The following BMPR1B variants were observed in gnomAD, a reference collection of about 807,000 sequenced individuals.
BMPR1B encodes the protein bone morphogenetic protein receptor type-1B.
BMPR1B carries 12 observed loss-of-function variants against 59.1 expected under a neutral mutation model. The ratio of observed to expected loss-of-function variants is 0.20; its 90% confidence interval spans 0.13 to 0.33. The LOEUF is 0.33. Ranked by LOEUF, BMPR1B falls within the 10% of genes least tolerant of loss-of-function variation. The pLI, the probability that BMPR1B is intolerant of heterozygous loss-of-function variation, is 1.00. For missense variants in BMPR1B, 550 were observed against 610.9 expected (o/e 0.90, Z 1.05); for synonymous variants, 237 against 207.3 (o/e 1.14, Z -1.23).
intron 2 of BMPR1B, among the ~76,000 whole-genome samples, chr4:94,956,139 T>TA (rs1730133535): frequency 6.6e-6 from 1 of 152,234 alleles, no homozygotes; most frequent in African/African-American, 2.4e-5. Context: ...TCAGTAGTTT[T>TA]AAAACCAAAC....
chr4:95,058,542 G>A (rs1484871706), intron 3 of BMPR1B, among the ~76,000 whole-genome samples: 2 of 152,104 alleles, frequency 1.3e-5, no homozygotes, highest in Non-Finnish European at 2.9e-5. Context: ...CCAGGTGTGA[G>A]TCAATTTAAT....
At chr4:94,896,918 C>T (rs1727609533) in intron 2 of BMPR1B, among the ~76,000 whole-genome samples, 2 of 151,976 alleles carry the variant, frequency 1.3e-5, no homozygotes, top group South Asian at 2.1e-4. Flanking sequence ...TTAGTATCTC[C>T]ATAGTATTTA....
Position 94,806,425 on chromosome 4 carries a change from C to T in BMPR1B, c.-183+48357C>T, listed in dbSNP as rs371304204. 3.1e-3 allele frequency among the ~76,000 whole-genome samples: 474 copies of T among 152,202 alleles called. 5 individuals carry two copies. The highest frequency in any genetic ancestry group is 0.011 in the African/African-American group (441 of 41,542). ...CTATTTAAACAAGTTTAAAGTTCAG[C>T]TTTAAATTTTTTGAAGATAGCTTTT... On this transcript the variant is annotated intron_variant, in intron 1 of 12. Transcript: ENST00000515059.
intron 3 of BMPR1B, among the ~76,000 whole-genome samples, chr4:95,091,974 T>A (rs976535814): frequency 2.0e-5 from 3 of 152,180 alleles, no homozygotes; most frequent in African/African-American, 7.2e-5. Context: ...AAATCAAGTG[T>A]TGTGGTTGTA....
intron 1 of BMPR1B, among the ~76,000 whole-genome samples, chr4:94,794,450 T>C (rs71601232): frequency 0.25 from 32,950 of 131,252 alleles, 4,148 homozygotes; most frequent in African/African-American, 0.34. Context: ...AGTCAGGTAG[T>C]GTGATGCCTC....
chr4:94,981,004 C>CGTGCGCGT (rs6148577), intron 2 of BMPR1B, among the ~76,000 whole-genome samples: 1 of 120,806 alleles, frequency 8.3e-6, no homozygotes, highest in South Asian at 2.5e-4. Flanking sequence ...CACACACACA[C>CGTGCGCGT]ACACACACAC....
chr4:94,870,034 GAGA>G (rs1726416646), intron 1 of BMPR1B, among the ~76,000 whole-genome samples: 1 of 152,162 alleles, frequency 6.6e-6, no homozygotes, highest in Admixed American at 6.5e-5. Flanking sequence ...AGTTATATTA[GAGA>G]AGAAGTTGCA....
In BMPR1B at chr4:95,147,539, A is replaced by G. The variant is rs17023102; in HGVS notation, c.1077-1209A>G. 9.0e-3 allele frequency among the ~76,000 whole-genome samples: 1,376 copies of G among 152,258 alleles called. 22 individuals carry two copies. Among genetic ancestry groups the G allele is most frequent in the African/African-American group, 0.03 (1,247 of 41,524 alleles). The stretch of plus-strand genomic sequence containing the variant: ...AGGAGAAATAACATGTAAATTCTTG[A>G]AAGTCAATAGAGTGTAATGAAAAGC... On this transcript the variant is annotated intron_variant, in intron 10 of 12. Transcript: ENST00000515059.
intron 3 of BMPR1B, among the ~76,000 whole-genome samples, chr4:95,088,193 A>G (rs1729731086): frequency 6.6e-6 from 1 of 152,168 alleles, no homozygotes; most frequent in Admixed American, 6.5e-5. Flanking sequence ...TAAAATGCAG[A>G]TAAATGGCTT....
intron 6 of BMPR1B, among the ~76,000 whole-genome samples, chr4:95,116,115 A>G (rs751151272): frequency 6.6e-6 from 1 of 152,140 alleles, no homozygotes; most frequent in Admixed American, 6.5e-5. Flanking sequence ...GTTGTAGTTC[A>G]CCCAAAAACT....
In BMPR1B at chr4:95,129,822, C is replaced by T. The variant is rs187515937; in HGVS notation, c.586-40C>T. 7.8e-4 allele frequency: 1,243 copies of T among 1,592,366 alleles called. 10 individuals carry two copies. In the African/African-American group the frequency reaches 0.014, roughly 18 times the overall value. On this transcript the variant is annotated intron_variant, in intron 8 of 12. Coordinates refer to ENST00000515059, the MANE Select transcript of BMPR1B (RefSeq NM_001203.3). ...AAAAAAAGATTAAACAAATCTGTAGCGCTGTGAATACACTAACAGTGTGTT... is the reference window on the plus strand; with the variant it reads ...AAAAAAAGATTAAACAAATCTGTAGTGCTGTGAATACACTAACAGTGTGTT...
chr4:95,082,816 A>T (rs915396776), intron 3 of BMPR1B, among the ~76,000 whole-genome samples: 1 of 152,046 alleles, frequency 6.6e-6, no homozygotes, highest in Non-Finnish European at 1.5e-5. Context: ...AGGCGGGCGG[A>T]TCACGAGGTC....
At chr4:94,968,300 C>T (rs1730633637) in intron 2 of BMPR1B, among the ~76,000 whole-genome samples, 1 of 151,984 alleles carries the variant, frequency 6.6e-6, no homozygotes, top group Non-Finnish European at 1.5e-5. Flanking sequence ...GAGGCTGCAC[C>T]TGGAGGAACA....
At chr4:94,972,338 G>A (rs962912331) in intron 2 of BMPR1B, among the ~76,000 whole-genome samples, 2 of 151,894 alleles carry the variant, frequency 1.3e-5, no homozygotes, top group African/African-American at 2.4e-5. Context: ...TTAAATAAAT[G>A]TATACTCATT....
chr4:95,123,120 ATCTGATTTG>A (rs1351852899), intron 6 of BMPR1B, among the ~76,000 whole-genome samples: 9 of 152,194 alleles, frequency 5.9e-5, no homozygotes, highest in Non-Finnish European at 1.2e-4. Context: ...AATTTGAGGA[ATCTGATTTG>A]TCAAGAACTA....
At chr4:94,818,659 A>G (rs1724096339) in intron 1 of BMPR1B, among the ~76,000 whole-genome samples, 1 of 152,216 alleles carries the variant, frequency 6.6e-6, no homozygotes, top group South Asian at 2.1e-4. Flanking sequence ...AAGATTTAGT[A>G]TCTCAGCAAA....
chr4:94,804,918 T>C (rs1455113005), intron 1 of BMPR1B, among the ~76,000 whole-genome samples: 2 of 152,316 alleles, frequency 1.3e-5, no homozygotes, highest in Middle Eastern at 3.4e-3. Context: ...TTTCTGCAGA[T>C]GGAGAGTATA....
chr4:95,063,158 AAAG>A (rs944106600), intron 3 of BMPR1B, among the ~76,000 whole-genome samples: 44 of 152,166 alleles, frequency 2.9e-4, no homozygotes, highest in African/African-American at 9.9e-4. Context: ...TAGGGGTAAA[AAAG>A]AAAGTGGCAT....
At chr4:94,943,618 G>A (rs894199049) in intron 2 of BMPR1B, among the ~76,000 whole-genome samples, 1 of 152,118 alleles carries the variant, frequency 6.6e-6, no homozygotes, top group African/African-American at 2.4e-5. Flanking sequence ...TTGATTCTTG[G>A]TTTTCCCATA....
Sources: allele counts gnomAD v4.1 joint callset (sites outside exome capture counted in the v4.1 genomes callset), GRCh38; gene constraint gnomAD v4.1.1; transcripts MANE v1.5; gene names NCBI Gene and HGNC (gene_info 2026-07-23, HGNC 2026-07-21).